DSP: variants seen among roughly 807,000 people sequenced by gnomAD.
The protein encoded by DSP is desmoplakin, also known as 250/210 kDa paraneoplastic pemphigus antigen.
DSP carries 114 observed loss-of-function variants against 290.6 expected under a neutral mutation model. The observed-to-expected ratio is 0.39, with a 90% CI of 0.34 to 0.46. The LOEUF (loss-of-function observed/expected upper bound fraction) is 0.46, where lower values mean the gene tolerates loss of function less well. Among genes scored for constraint, DSP ranks in the 20% least tolerant of loss-of-function variants. The pLI is 0.99. For missense variants in DSP, 3,230 were observed against 3,495.8 expected (o/e 0.92, Z 1.92); for synonymous variants, 1,311 against 1,316.4 (o/e 1.00, Z 0.09).
chr6:7,581,601 G>T, intron 23 of DSP, 32 bp downstream of exon 23: 1 of 1,609,144 alleles, frequency 6.2e-7, no homozygotes. Flanking sequence ...CAGCTTCACT[G>T]TTTCTCAAAT....
intron 23 of DSP, among the ~76,000 whole-genome samples, chr6:7,581,997 A>AT (rs1455019256): frequency 6.6e-6 from 1 of 151,784 alleles, no homozygotes; most frequent in East Asian, 1.9e-4. Flanking sequence ...TGCTTAGATG[A>AT]TTTTTTTGCA....
In DSP at chr6:7,541,727, C is replaced by A; in HGVS notation, c.-189C>A. The A allele has an allele frequency of 1.5e-6, 1 of 670,190 alleles. No homozygotes were observed. Among genetic ancestry groups the A allele is most frequent in the Non-Finnish European group, 2.4e-6 (1 of 417,232 alleles). 41.5% of individuals were successfully genotyped at this position (670,190 alleles called of 1,614,324 possible). ...GCTTTCCTCCCGCTCCTGCCCCCGG[C>A]CCGTCGCCGTCTCCGCGCTCGCAGC... is the stretch of plus-strand genomic sequence containing the variant. On this transcript the variant is annotated 5_prime_UTR_variant, in exon 1 of 24. Transcript: ENST00000379802.
chr6:7,568,418 A>G lies in DSP; in HGVS notation c.1267-19A>G. ...CACAGGGTATCTATGTTTAAGTATG[A>G]TTTTATTCACCATTGCAGAAAGAAC... On this transcript the variant is annotated intron_variant, in intron 10 of 23. Coordinates refer to ENST00000379802, the MANE Select transcript of DSP (RefSeq NM_004415.4). 1 of 1,613,854 alleles carries G rather than the reference A, an allele frequency of 6.2e-7. No homozygotes were observed. The highest frequency in any genetic ancestry group is 1.1e-5 in the South Asian group (1 of 91,084).
intron 6 of DSP, among the ~76,000 whole-genome samples, chr6:7,564,765 CAT>C (rs1213141222): frequency 1.3e-5 from 2 of 152,034 alleles, no homozygotes; most frequent in Non-Finnish European, 2.9e-5. Flanking sequence ...ACATTGTATA[CAT>C]GTGTCCAGAT....
chr6:7,555,653 T>C lies in DSP; in HGVS notation c.171-65T>C, dbSNP rs183538789. ...TCCCGTTTTTGCAACTTTTGCAAGT[T>C]TGAAATTATTTCAGAATTGAAATAG... is the stretch of plus-strand genomic sequence containing the variant. On this transcript the variant is annotated intron_variant, in intron 1 of 23. Coordinates refer to ENST00000379802, the MANE Select transcript of DSP (RefSeq NM_004415.4). 1.3e-3 allele frequency: 1,911 copies of C among 1,514,124 alleles called. 2 individuals are homozygous for C. The highest frequency in any genetic ancestry group is 1.6e-3 in the Non-Finnish European group (1,764 of 1,095,890). The allele number at this position is 1,514,124 out of a possible 1,614,324, so 93.8% of individuals were successfully genotyped here.
rs770172294 is a variant in DSP, at chr6:7,579,965, A to G, written c.3775A>G (p.Ser1259Gly). ...GGATGAAATTGTCAGGCTCAATGACAGCATCTTGCAGGCCACTGAGCAGCG... is the reference window on the plus strand; with the variant it reads ...GGATGAAATTGTCAGGCTCAATGACGGCATCTTGCAGGCCACTGAGCAGCG... Reference protein sequence around the residue: ...LKDEIVRLNDSILQATEQRRR... With the variant: ...LKDEIVRLNDGILQATEQRRR... Residue 1259 changes from serine to glycine, a missense_variant, in exon 23 of 24, where the codon AGC becomes GGC. Ser to Gly is a moderately conservative substitution (Grantham distance 56). Transcript: ENST00000379802. The surrounding 1 kb of genome is among the most constrained non-coding windows in gnomAD (Gnocchi z 4.1). 1.2e-6 allele frequency: 2 copies of G among 1,614,220 alleles called. No individual in the cohort carries two copies. Among genetic ancestry groups the G allele is most frequent in the Non-Finnish European group, 1.7e-6 (2 of 1,180,038 alleles).
chr6:7,545,045 A>C (rs1758132931), intron 1 of DSP, among the ~76,000 whole-genome samples: 1 of 152,224 alleles, frequency 6.6e-6, no homozygotes, highest in Non-Finnish European at 1.5e-5. Context: ...TTGTTACCAA[A>C]GTAACAAAGT....
chr6:7,567,064 C>A (rs1758885049), intron 8 of DSP, among the ~76,000 whole-genome samples: 1 of 152,176 alleles, frequency 6.6e-6, no homozygotes, highest in Non-Finnish European at 1.5e-5. Flanking sequence ...CCAGTGCTAG[C>A]CCCAGTGACA....
intron 11 of DSP, 34 bp downstream of exon 11, chr6:7,568,623 C>T (rs1479192048): frequency 1.7e-5 from 27 of 1,611,604 alleles, no homozygotes; most frequent in Non-Finnish European, 2.2e-5. Flanking sequence ...CAAAAGTTTT[C>T]CCTGTCTTTA....
chr6:7,559,662 T>G (rs1758621688), intron 4 of DSP, among the ~76,000 whole-genome samples: 1 of 152,252 alleles, frequency 6.6e-6, no homozygotes, highest in African/African-American at 2.4e-5. Context: ...ACATGTGTAA[T>G]TTAGTTAGTA....
At chr6:7,566,250 G>A (rs138165744) in intron 7 of DSP, 127 bp from the exon 8 acceptor site, 201 of 778,954 alleles carry the variant, frequency 2.6e-4, no homozygotes, top group Non-Finnish European at 3.8e-4. Flanking sequence ...GAGGAAAACA[G>A]CGTGATTCTT....
rs945649827 is a variant in DSP, at chr6:7,583,334, T to C, written c.6072T>C (p.Ser2024=). ...GAGSIAGASA[S]PKEKYSLVEA... ...GATCTATCGCTGGAGCATCTGCTTCTCCTAAGGAAAAATACTCTTTGGTAG... is the reference window on the plus strand; with the variant it reads ...GATCTATCGCTGGAGCATCTGCTTCCCCTAAGGAAAAATACTCTTTGGTAG... Residue 2024 remains serine, a synonymous_variant, in exon 24 of 24, where the codon TCT becomes TCC. Transcript: ENST00000379802. The surrounding 1 kb of genome is among the most constrained non-coding windows in gnomAD (Gnocchi z 4.0). 1 of 1,614,038 alleles carries C rather than the reference T, an allele frequency of 6.2e-7. No individual in the cohort carries two copies. The highest frequency in any genetic ancestry group is 1.3e-5 in the African/African-American group (1 of 74,898).
At chr6:7,575,571 G>A in intron 18 of DSP, 83 bp downstream of exon 18, 1 of 1,541,618 alleles carries the variant, frequency 6.5e-7, no homozygotes, top group Non-Finnish European at 8.9e-7. Flanking sequence ...GGGAACCACT[G>A]AAGAAAACAG....
Position 7,552,564 on chromosome 6 carries a change from GA to G in DSP, c.171-3137del, listed in dbSNP as rs377022218. On this transcript the variant is annotated intron_variant, in intron 1 of 23. Coordinates refer to ENST00000379802, the MANE Select transcript of DSP (RefSeq NM_004415.4). ...GGTGACAGAGCAAGACTCCATCTCG[GA>G]AAAAAAAAAAAAAAAAGAACATATG... 3.6e-3 allele frequency among the ~76,000 whole-genome samples: 366 copies of G among 101,574 alleles called. 2 individuals are homozygous for G. Among genetic ancestry groups the G allele is most frequent in the African/African-American group, 3.1e-3 (83 of 26,498 alleles). 66.6% of individuals were successfully genotyped at this position (101,574 alleles called of 152,430 possible). A position where few individuals can be genotyped will look rare whatever the true frequency, so the allele number is the denominator to read the frequency against.
intron 17 of DSP, 147 bp downstream of exon 17, chr6:7,574,942 T>C: frequency 1.9e-6 from 2 of 1,076,050 alleles, no homozygotes; most frequent in Non-Finnish European, 2.8e-6. Flanking sequence ...TTGTCATCTC[T>C]GTAACTCTGT....
chr6:7,579,944 G>A lies in DSP; in HGVS notation c.3754G>A (p.Glu1252Lys), dbSNP rs1262533485. The change falls in exon 23 of 24, where the codon GAA becomes AAA. Residue 1252 changes from glutamate to lysine, a missense_variant. By Grantham distance (56) the Glu-to-Lys change is moderately conservative. Around this residue, in one of 5 missense-constraint regions of DSP, gnomAD observed 1,714 missense variants for 1,844.5 expected, o/e 0.93. Transcript: ENST00000379802. The surrounding 1 kb of genome is among the most constrained non-coding windows in gnomAD (Gnocchi z 4.1). ...LSRENRDLKD[E>K]IVRLNDSILQ... ...AAGGGAAAATCGAGATCTGAAGGAT[G>A]AAATTGTCAGGCTCAATGACAGCAT... 3.1e-6 allele frequency: 5 copies of A among 1,614,162 alleles called. No homozygotes were observed. In the Admixed American group the frequency reaches 8.3e-5, roughly 27 times the overall value.
At position 7,579,349 on chromosome 6, in the gene DSP, TAAG is replaced by T. The variant is rs1759343081; in HGVS notation, c.3162_3164del (p.Lys1054del). 1.9e-6 allele frequency: 3 copies of T among 1,614,126 alleles called. No homozygotes were observed. Among genetic ancestry groups the T allele is most frequent in the Non-Finnish European group, 2.5e-6 (3 of 1,180,022 alleles). On this transcript the variant is annotated inframe_deletion, in exon 23 of 24. Transcript: ENST00000379802. This position sits in a 1 kb window ranked among gnomAD's most constrained non-coding sequence, Gnocchi z 4.1. ...GAGATGCCAACTCGGAAAACTGTAA[TAAG>T]AACAAATTCCTGGATCAGAACCTGC...
intron 1 of DSP, among the ~76,000 whole-genome samples, chr6:7,554,082 A>ACACACACACAC (rs1758421068): frequency 8.6e-6 from 1 of 115,898 alleles, no homozygotes; most frequent in African/African-American, 3.7e-5. Context: ...CTTTCTTTAA[A>ACACACACACAC]ACACACACAC....
In DSP at chr6:7,579,494, G is replaced by A. The variant is rs2491079; in HGVS notation, c.3304G>A (p.Gly1102Ser). 2.1e-5 allele frequency: 34 copies of A among 1,613,948 alleles called. No homozygotes were observed. In the African/African-American group the frequency reaches 2.4e-4, roughly 11 times the overall value. ...SAKQNLDKCY[G>S]QIKELNEKIT... ...TAAGCAAAATCTAGACAAGTGCTAC[G>A]GCCAAATAAAAGAACTCAATGAGAA... is the stretch of plus-strand genomic sequence containing the variant. The change falls in exon 23 of 24, where the codon GGC becomes AGC. Residue 1102 changes from glycine (G) to serine (S), a missense_variant. Coordinates refer to ENST00000379802, the MANE Select transcript of DSP (RefSeq NM_004415.4). This position sits in a 1 kb window ranked among gnomAD's most constrained non-coding sequence, Gnocchi z 4.1.
Sources: allele counts gnomAD v4.1 joint callset (sites outside exome capture counted in the v4.1 genomes callset), GRCh38; gene constraint gnomAD v4.1.1; regional missense constraint gnomAD v4.1.1; non-coding constraint Gnocchi (gnomAD v3.1); transcripts MANE v1.5; gene names NCBI Gene and HGNC (gene_info 2026-07-23, HGNC 2026-07-21).